CIMIP2A: variants seen among roughly 807,000 people sequenced by gnomAD.
CIMIP2A encodes ciliary microtubule inner protein 2A, also known as family with sequence similarity 166 member A.
the CIMIP2A span, among the ~76,000 whole-genome samples, chr9:137,247,489 C>T: frequency 6.6e-6 from 1 of 152,214 alleles, no homozygotes; most frequent in East Asian, 1.9e-4. Flanking sequence ...CTGAGCTTCC[C>T]CTGTCCCAGG....
chr9:137,251,056 G>C, the CIMIP2A span: 1 of 548,184 alleles, frequency 1.8e-6, no homozygotes, highest in East Asian at 3.2e-5. Flanking sequence ...AAGGTTGCGG[G>C]GAGGGAGAGG....
the CIMIP2A span, among the ~76,000 whole-genome samples, chr9:137,249,312 C>T: frequency 6.6e-6 from 1 of 152,146 alleles, no homozygotes. Flanking sequence ...TTGGGTGGTG[C>T]CTTCTGGAAA....
chr9:137,252,672 C>A, the CIMIP2A span: 1 of 1,546,382 alleles, frequency 6.5e-7, no homozygotes, highest in Non-Finnish European at 8.7e-7. Flanking sequence ...TGGCCCTCGC[C>A]AGCCCACTAC....
the CIMIP2A span, chr9:137,245,629 G>C: frequency 6.2e-7 from 1 of 1,610,376 alleles, no homozygotes; most frequent in Non-Finnish European, 8.5e-7. Context: ...GCTGGGGACT[G>C]GCAGCTCACT....
At chr9:137,249,916 A>C in the CIMIP2A span, among the ~76,000 whole-genome samples, 592 of 152,294 alleles carry the variant, frequency 3.9e-3, 4 homozygotes, top group African/African-American at 0.013. Context: ...CCCCAAATTG[A>C]AGCTAGTTGG....
At chr9:137,246,366 G>T in the CIMIP2A span, among the ~76,000 whole-genome samples, 1 of 152,180 alleles carries the variant, frequency 6.6e-6, no homozygotes, top group East Asian at 1.9e-4. Context: ...GGCTTTTCCG[G>T]GCCCTCATTC....
the CIMIP2A span, among the ~76,000 whole-genome samples, chr9:137,246,102 G>A: frequency 3.3e-5 from 5 of 152,338 alleles, no homozygotes; most frequent in East Asian, 9.6e-4. Flanking sequence ...GCAGATGGCC[G>A]CCTGCCTTGT....
At chr9:137,251,750 T>C in the CIMIP2A span, 1 of 1,571,762 alleles carries the variant, frequency 6.4e-7, no homozygotes, top group Non-Finnish European at 8.6e-7. Flanking sequence ...CCAAGGCATC[T>C]GTGCTGTTGT....
chr9:137,252,360 C>T, the CIMIP2A span: 23 of 1,480,022 alleles, frequency 1.6e-5, no homozygotes. Context: ...AGGGTGGGAA[C>T]CGGGAGACAG....
At chr9:137,244,519 C>T in the CIMIP2A span, 2 of 1,512,650 alleles carry the variant, frequency 1.3e-6, no homozygotes, top group Non-Finnish European at 1.8e-6. Context: ...GAGAGCCAGG[C>T]AGAGCCCCCT....
At chr9:137,244,093 A>G in the CIMIP2A span, 7 of 1,403,402 alleles carry the variant, frequency 5.0e-6, 1 homozygote, top group South Asian at 4.7e-5. Flanking sequence ...TGAACCAGCA[A>G]TGAAGGGTGA....
At chr9:137,245,836 G>C in the CIMIP2A span, 1 of 1,507,654 alleles carries the variant, frequency 6.6e-7, no homozygotes, top group African/African-American at 1.4e-5. Context: ...GCGCAGCTGC[G>C]GAAAGAAGCC....
the CIMIP2A span, chr9:137,252,416 C>A: frequency 6.2e-7 from 1 of 1,603,834 alleles, no homozygotes. Context: ...AGCCTTCTCT[C>A]TCTCCATCCT....
At chr9:137,252,913 G>A in the CIMIP2A span, 8 of 1,599,120 alleles carry the variant, frequency 5.0e-6, no homozygotes, top group South Asian at 3.4e-5. Context: ...GCCCCCGCTC[G>A]CCGGCCTTCT....
chr9:137,249,677 A>G, the CIMIP2A span, among the ~76,000 whole-genome samples: 6 of 152,218 alleles, frequency 3.9e-5, no homozygotes, highest in Non-Finnish European at 8.8e-5. Flanking sequence ...TAAAATCCCA[A>G]GAGGACTGAG....
At chr9:137,246,897 A>G in the CIMIP2A span, among the ~76,000 whole-genome samples, 2 of 151,974 alleles carry the variant, frequency 1.3e-5, no homozygotes, top group African/African-American at 2.4e-5. Flanking sequence ...ATGTAGGTGC[A>G]CACACACACA....
chr9:137,252,790 G>A, the CIMIP2A span: 6 of 1,562,540 alleles, frequency 3.8e-6, no homozygotes, highest in Admixed American at 5.7e-5. Context: ...GGGCTAGGGG[G>A]CTGGGCCTCA....
the CIMIP2A span, chr9:137,243,612 AGCCTGTCCTGTG>A: frequency 2.5e-4 from 405 of 1,613,476 alleles, 1 homozygote; most frequent in Non-Finnish European, 3.1e-4. Context: ...ATTCACTCCC[AGCCTGTCCTGTG>A]GCCTGTCCCA....
At chr9:137,247,774 T>TCAGG in the CIMIP2A span, 5 of 1,521,696 alleles carry the variant, frequency 3.3e-6, no homozygotes, top group Non-Finnish European at 4.5e-6. Flanking sequence ...CTCCCTTCCC[T>TCAGG]GAGGGGAGTC....
Sources: gnomAD v4.1 joint callset for allele counts (sites outside exome capture counted in the v4.1 genomes callset) on GRCh38, gnomAD v4.1.1 for gene constraint, MANE v1.5 for transcripts, NCBI Gene and HGNC (gene_info 2026-07-23, HGNC 2026-07-21) for gene names.